The following TARP variants were observed in gnomAD, a reference collection of about 807,000 sequenced individuals.
chr7:38,265,412 C>T, the TARP span: 152 of 1,612,080 alleles, frequency 9.4e-5, no homozygotes, highest in Middle Eastern at 1.6e-4. Context: ...TCATGTCTGA[C>T]GATACATCTG....
the TARP span, chr7:38,259,728 G>C: frequency 1.6e-5 from 3 of 187,030 alleles, no homozygotes; most frequent in Non-Finnish European, 3.3e-5. Flanking sequence ...GCTTCAGGGC[G>C]TGTAAAATGA....
At chr7:38,261,277 G>C in the TARP span, among the ~76,000 whole-genome samples, 1 of 151,664 alleles carries the variant, frequency 6.6e-6, no homozygotes, top group Non-Finnish European at 1.5e-5. Flanking sequence ...AACTTACTAA[G>C]TACATAAACT....
At chr7:38,260,521 G>A in the TARP span, among the ~76,000 whole-genome samples, 2 of 150,026 alleles carry the variant, frequency 1.3e-5, no homozygotes, top group Admixed American at 6.6e-5. Context: ...TTGCTGATGT[G>A]TTAGGTAGTT....
chr7:38,272,653 C>T, the TARP span, among the ~76,000 whole-genome samples: 1 of 148,984 alleles, frequency 6.7e-6, no homozygotes, highest in Non-Finnish European at 1.5e-5. Flanking sequence ...AATGAACCAG[C>T]ATTTTTATAA....
At chr7:38,271,286 G>A in the TARP span, among the ~76,000 whole-genome samples, 1 of 151,560 alleles carries the variant, frequency 6.6e-6, no homozygotes, top group Middle Eastern at 3.4e-3. Flanking sequence ...GACTATGTTT[G>A]CAAATCCTAG....
chr7:38,260,083 GTC>G, the TARP span: 1 of 1,570,476 alleles, frequency 6.4e-7, no homozygotes, highest in Non-Finnish European at 8.7e-7. Context: ...TTGTGCCACC[GTC>G]TGTTATGATT....
At chr7:38,273,519 T>C in the TARP span, 1 of 1,268,330 alleles carries the variant, frequency 7.9e-7, no homozygotes, top group Non-Finnish European at 1.1e-6. Context: ...ATCCTAGAAT[T>C]CTGAGCCAGC....
chr7:38,266,176 A>T, the TARP span, among the ~76,000 whole-genome samples: 1 of 151,498 alleles, frequency 6.6e-6, no homozygotes, highest in Non-Finnish European at 1.5e-5. Flanking sequence ...TTTGTAACTT[A>T]TGTTCTTTGG....
chr7:38,260,311 A>G, the TARP span: 1 of 936,020 alleles, frequency 1.1e-6, no homozygotes, highest in East Asian at 3.1e-5. Context: ...ATTTCTGATG[A>G]TTTACGTTGA....
At chr7:38,262,309 G>A in the TARP span, 1 of 956,908 alleles carries the variant, frequency 1.0e-6, no homozygotes, top group African/African-American at 1.7e-5. Flanking sequence ...AGAGAGGCAG[G>A]AGGACAGTTA....
At chr7:38,264,662 T>TCCTGTATAA in the TARP span, among the ~76,000 whole-genome samples, 1 of 151,584 alleles carries the variant, frequency 6.6e-6, no homozygotes, top group African/African-American at 2.4e-5. Context: ...GTAACTTCTC[T>TCCTGTATAA]CCTGTATAAT....
At chr7:38,262,190 A>T in the TARP span, 2 of 1,612,568 alleles carry the variant, frequency 1.2e-6, no homozygotes, top group Non-Finnish European at 1.7e-6. Context: ...CTTTTGAACA[A>T]TTGTCTTTGG....
At chr7:38,261,585 G>A in the TARP span, among the ~76,000 whole-genome samples, 7 of 151,578 alleles carry the variant, frequency 4.6e-5, no homozygotes, top group African/African-American at 1.5e-4. Flanking sequence ...ACAAAAGACA[G>A]GACAGGAGGC....
the TARP span, among the ~76,000 whole-genome samples, chr7:38,264,547 T>C: frequency 1.3e-5 from 2 of 149,346 alleles, no homozygotes; most frequent in Non-Finnish European, 3.0e-5. Context: ...GCTGAGATCA[T>C]ACCATAGCAC....
the TARP span, chr7:38,265,660 T>A: frequency 6.2e-7 from 1 of 1,602,186 alleles, no homozygotes; most frequent in African/African-American, 1.4e-5. Flanking sequence ...GGGGGAAACA[T>A]CTGCATCAAG....
the TARP span, among the ~76,000 whole-genome samples, chr7:38,272,230 G>T: frequency 3.5e-3 from 532 of 150,704 alleles, 2 homozygotes; most frequent in African/African-American, 0.013. Context: ...AAGACCTTTC[G>T]TGGGTAGTAA....
chr7:38,263,337 GCA>G, the TARP span, among the ~76,000 whole-genome samples: 1 of 151,952 alleles, frequency 6.6e-6, no homozygotes, highest in Admixed American at 6.6e-5. Context: ...TCAGCAAATA[GCA>G]GAGCCAGTAT....
the TARP span, chr7:38,265,212 C>G: frequency 1.4e-6 from 1 of 694,874 alleles, no homozygotes; most frequent in African/African-American, 1.9e-5. Flanking sequence ...AGAAAAGTAG[C>G]AGGGCATTTA....
the TARP span, chr7:38,269,516 G>A: frequency 3.1e-5 from 22 of 710,048 alleles, no homozygotes; most frequent in Non-Finnish European, 4.9e-5. Flanking sequence ...TTGTTCCACT[G>A]CCAAAGAGTT....
Sources: gnomAD v4.1 joint callset for allele counts (sites outside exome capture counted in the v4.1 genomes callset) on GRCh38, gnomAD v4.1.1 for gene constraint, MANE v1.5 for transcripts.